Variants in RFX4 observed in about 807,000 individuals in gnomAD.
The protein encoded by RFX4 is transcription factor RFX4.
RFX4 carries 10 observed loss-of-function variants against 95.0 expected under a neutral mutation model. That is an observed-to-expected ratio of 0.11 (90% CI 0.06 to 0.18). The LOEUF (loss-of-function observed/expected upper bound fraction) is 0.18, where lower values mean the gene tolerates loss of function less well. Ranked by LOEUF, RFX4 falls within the 10% of genes least tolerant of loss-of-function variation. The pLI is 1.00. For synonymous variants in RFX4, 321 were observed against 340.7 expected (o/e 0.94, Z 0.64); for missense variants, 640 against 922.0 (o/e 0.69, Z 3.96).
intron 1 of RFX4, among the ~76,000 whole-genome samples, chr12:106,583,960 G>T (rs368464096): frequency 5.1e-4 from 77 of 152,330 alleles, no homozygotes; most frequent in African/African-American, 1.7e-3. Context: ...TGGGCTGTGG[G>T]GTCGGGCTTT....
rs776675730 is a variant in RFX4 at position 106,732,924 on chromosome 12, C to A, written c.1472C>A (p.Ala491Glu). The A allele has an allele frequency of 2.4e-5, 38 of 1,613,446 alleles. No homozygotes were observed. In the South Asian group the frequency reaches 4.2e-4, roughly 18 times the overall value. The change falls in exon 15 of 18, where the codon GCA becomes GAA. Residue 491 changes from alanine to glutamate, a missense_variant and splice_region_variant. Physicochemically the swap from Ala to Glu is moderately radical, Grantham distance 107 (BLOSUM62 -1). Around this residue, in one of 7 missense-constraint regions of RFX4, gnomAD observed 300 missense variants for 346.8 expected, o/e 0.87. Transcript: ENST00000392842. The part of the protein sequence containing the change: ...MRAMKGEGST[A>E]EVREEIILTE... ...AAACTTACCCTATCTCTATCCACAG[C>A]AGAAGTCCGAGAAGAGATCATCTTG...
intron 9 of RFX4, among the ~76,000 whole-genome samples, chr12:106,711,105 CG>C (rs2042184296): frequency 6.6e-6 from 1 of 152,134 alleles, no homozygotes; most frequent in Admixed American, 6.5e-5. Context: ...CAATTATTTA[CG>C]GGGAGAAGTG....
chr12:106,668,504 G>A (rs1264455373), intron 4 of RFX4, among the ~76,000 whole-genome samples: 1 of 152,202 alleles, frequency 6.6e-6, no homozygotes, highest in African/African-American at 2.4e-5. Context: ...GCTGAGGTGA[G>A]AGGATCACTT....
chr12:106,732,929 G>T lies in RFX4; in HGVS notation c.1477G>T (p.Val493Phe), dbSNP rs1483584411. 1.2e-6 allele frequency: 2 copies of T among 1,613,740 alleles called. No homozygotes were observed. Among genetic ancestry groups the T allele is most frequent in the Non-Finnish European group, 1.7e-6 (2 of 1,179,804 alleles). ...AMKGEGSTAE[V>F]REEIILTEAA... ...TACCCTATCTCTATCCACAGCAGAA[G>T]TCCGAGAAGAGATCATCTTGACAGA... Residue 493 changes from valine (V) to phenylalanine (F), a missense_variant, in exon 15 of 18, where the codon GTC (valine) becomes TTC (phenylalanine). By Grantham distance (50) the Val-to-Phe change is conservative. This residue lies in a region of RFX4 where 300 missense variants were observed against 346.8 expected (regional missense o/e 0.87). Transcript: ENST00000392842.
At chr12:106,647,905 G>A (rs2040779191) in intron 3 of RFX4, among the ~76,000 whole-genome samples, 1 of 152,122 alleles carries the variant, frequency 6.6e-6, no homozygotes, top group Non-Finnish European at 1.5e-5. Flanking sequence ...CAGGCTATAT[G>A]CTTGTAAGTG....
At chr12:106,730,144 G>A (rs964991700) in intron 13 of RFX4, among the ~76,000 whole-genome samples, 2 of 152,164 alleles carry the variant, frequency 1.3e-5, no homozygotes, top group African/African-American at 4.8e-5. Flanking sequence ...TGGCCTTACA[G>A]TTAAGCCAGG....
chr12:106,737,244 ATTTACT>A (rs2042728243), intron 15 of RFX4, among the ~76,000 whole-genome samples: 1 of 117,346 alleles, frequency 8.5e-6, no homozygotes, highest in Admixed American at 1.3e-4. Flanking sequence ...ATTCAGGAGC[ATTTACT>A]CATTTACTCA....
At chr12:106,739,125 C>A (rs200973973) in intron 15 of RFX4, among the ~76,000 whole-genome samples, 1 of 149,050 alleles carries the variant, frequency 6.7e-6, no homozygotes, top group Non-Finnish European at 1.5e-5. Flanking sequence ...GGACCAAAAC[C>A]AGAAAGAAAG....
At chr12:106,651,376 T>TA (rs1317810051) in intron 3 of RFX4, among the ~76,000 whole-genome samples, 1 of 152,210 alleles carries the variant, frequency 6.6e-6, no homozygotes, top group Non-Finnish European at 1.5e-5. Flanking sequence ...CCTCATGCCA[T>TA]ACGGTTATTG....
At position 106,686,778 on chromosome 12, in the gene RFX4, C is replaced by T. The variant is rs933807632; in HGVS notation, c.378-106C>T. Reference sequence around the variant, plus strand: ...GTAGGATGGCCCCAGCTTTCCTTGGCCTTGGGCAACACTCCCTACTCAGGA... The same window carrying T: ...GTAGGATGGCCCCAGCTTTCCTTGGTCTTGGGCAACACTCCCTACTCAGGA... On this transcript the variant is annotated intron_variant, in intron 5 of 17. Coordinates refer to ENST00000392842, the MANE Select transcript of RFX4 (RefSeq NM_213594.3). 4 of 1,046,528 alleles carry T rather than the reference C, an allele frequency of 3.8e-6. No homozygotes were observed. In the Admixed American group the frequency reaches 6.4e-5, roughly 17 times the overall value. The allele number at this position is 1,046,528 out of a possible 1,614,324, so 64.8% of individuals were successfully genotyped here. A position where few individuals can be genotyped will look rare whatever the true frequency, so the allele number is the denominator to read the frequency against.
chr12:106,701,499 A>T (rs1277816583), intron 8 of RFX4, among the ~76,000 whole-genome samples: 1 of 152,020 alleles, frequency 6.6e-6, no homozygotes, highest in East Asian at 1.9e-4. Flanking sequence ...TTTCAATTAC[A>T]AGTATGTTAG....
At chr12:106,608,932 G>A (rs750309184) in intron 2 of RFX4, 49 bp downstream of exon 2, 8 of 1,535,120 alleles carry the variant, frequency 5.2e-6, no homozygotes, top group Non-Finnish European at 4.5e-6. Context: ...CATGGCCAAT[G>A]TCCTGATGGG....
At chr12:106,657,205 C>A (rs1457588368) in intron 4 of RFX4, among the ~76,000 whole-genome samples, 1 of 152,214 alleles carries the variant, frequency 6.6e-6, no homozygotes, top group Non-Finnish European at 1.5e-5. Context: ...TTCCTTTGAG[C>A]AGATCCATCC....
Position 106,639,322 on chromosome 12 carries a change from C to T in RFX4, c.131-10C>T. 1 of 1,612,244 alleles carries T rather than the reference C, an allele frequency of 6.2e-7. No individual in the cohort carries two copies. The highest frequency in any genetic ancestry group is 1.7e-5 in the Admixed American group (1 of 59,808). On this transcript the variant is annotated splice_polypyrimidine_tract_variant and intron_variant, in intron 2 of 17. Transcript: ENST00000392842. ...TACTGAAGTTAGCTTCTTTTTCTTT[C>T]CTTTAACAGATGAGGAAAAAGAAAA...
chr12:106,627,159 G>A (rs1373698891), intron 2 of RFX4, among the ~76,000 whole-genome samples: 1 of 152,176 alleles, frequency 6.6e-6, no homozygotes, highest in South Asian at 2.1e-4. Flanking sequence ...TATAGCAAAT[G>A]GTAGGGAAAA....
chr12:106,650,199 T>G (rs2137309180), intron 3 of RFX4, among the ~76,000 whole-genome samples: 1 of 152,318 alleles, frequency 6.6e-6, no homozygotes, highest in African/African-American at 2.4e-5. Flanking sequence ...GCAAGATGAA[T>G]TCTGAATGGT....
At chr12:106,715,288 A>C (rs2042265914) in intron 10 of RFX4, 112 bp from the exon 11 acceptor site, 1 of 1,248,560 alleles carries the variant, frequency 8.0e-7, no homozygotes, top group Non-Finnish European at 1.1e-6. Context: ...CCGGAATTTC[A>C]GGGTAGTTTG....
chr12:106,750,618 A>G, intron 16 of RFX4, 37 bp from the exon 17 acceptor site: 8 of 1,510,228 alleles, frequency 5.3e-6, no homozygotes, highest in Non-Finnish European at 7.1e-6. Context: ...TGTTCTTGCT[A>G]TTACTCACAC....
intron 8 of RFX4, among the ~76,000 whole-genome samples, chr12:106,703,732 A>G (rs1416651646): frequency 6.6e-6 from 1 of 152,098 alleles, no homozygotes; most frequent in Non-Finnish European, 1.5e-5. Context: ...TCCTATCTAT[A>G]ATTGACTTAT....
Sources: gnomAD v4.1 joint callset for allele counts (sites outside exome capture counted in the v4.1 genomes callset) on GRCh38, gnomAD v4.1.1 for gene constraint, gnomAD v4.1.1 regional missense constraint, MANE v1.5 for transcripts, NCBI Gene and HGNC (gene_info 2026-07-23, HGNC 2026-07-21) for gene names.